The following CNTD1 variants were observed in gnomAD, a reference collection of about 807,000 sequenced individuals.
The protein encoded by CNTD1 is cyclin N-terminal domain-containing protein 1.
CNTD1 carries 17 observed loss-of-function variants against 36.3 expected under a neutral mutation model. That is an observed-to-expected ratio of 0.47 (90% CI 0.32 to 0.70). CNTD1 has a LOEUF of 0.70. Ranked by LOEUF, CNTD1 falls within the 30% of genes least tolerant of loss-of-function variation. The probability of loss-of-function intolerance (pLI) is 0.03; values close to 1 mark genes in which losing one functional copy is unlikely to be tolerated. For missense variants in CNTD1, 338 were observed against 386.1 expected, an observed-to-expected ratio of 0.88 and a Z score of 1.04; for synonymous variants, 128 against 153.3, an observed-to-expected ratio of 0.83 and a Z score of 1.22.
At chr17:42,801,509 AAATATATATATATATATAT>A (rs1215158174) in intron 1 of CNTD1, among the ~76,000 whole-genome samples, 54 of 50,280 alleles carry the variant, frequency 1.1e-3, no homozygotes, top group Admixed American at 1.9e-3. Flanking sequence ...AAAAAAAAAA[AAATATATATATATATATAT>A]ATATATATAT....
intron 1 of CNTD1, among the ~76,000 whole-genome samples, chr17:42,802,226 T>TA (rs950620466): frequency 4.6e-5 from 7 of 151,480 alleles, no homozygotes; most frequent in Admixed American, 1.3e-4. Flanking sequence ...TTTATTTATT[T>TA]AAAAAAAAAT....
chr17:42,799,620 C>T (rs993189852), intron 1 of CNTD1, among the ~76,000 whole-genome samples: 34 of 151,506 alleles, frequency 2.2e-4, no homozygotes, highest in African/African-American at 8.0e-4. Flanking sequence ...GGACTGGTGG[C>T]GCGCACCTCT....
chr17:42,810,554 A>G lies in CNTD1; in HGVS notation c.*1019A>G. 4.7e-6 allele frequency: 2 copies of G among 426,558 alleles called. No individual in the cohort carries two copies. The highest frequency in any genetic ancestry group is 8.0e-6 in the Non-Finnish European group (2 of 251,414). 26.4% of individuals were successfully genotyped at this position (426,558 alleles called of 1,614,324 possible). ...ATGGGGTTAAGAATCAAAACTGACC[A>G]GGGCTGGCAACTATAGATGGCATGT... On this transcript the variant is annotated 3_prime_UTR_variant, in exon 7 of 7. Coordinates refer to ENST00000588408, the MANE Select transcript of CNTD1 (RefSeq NM_173478.3).
In CNTD1 at chr17:42,798,945, C is replaced by A. The variant is rs542803148; in HGVS notation, c.-123C>A. ...AATTGGGTTTTCCTCAGACTTGAGGCGACGACACACTCATTGGAAGGGGAC... is the reference window on the plus strand; with the variant it reads ...AATTGGGTTTTCCTCAGACTTGAGGAGACGACACACTCATTGGAAGGGGAC... On this transcript the variant is annotated 5_prime_UTR_variant, in exon 1 of 7. Coordinates refer to ENST00000588408, the MANE Select transcript of CNTD1 (RefSeq NM_173478.3). The A allele has an allele frequency of 4.1e-6, 6 of 1,467,486 alleles. No homozygotes were observed. In the East Asian group the frequency reaches 9.9e-5, roughly 24 times the overall value. The allele number at this position is 1,467,486 out of a possible 1,614,324, so 90.9% of individuals were successfully genotyped here. A position where few individuals can be genotyped will look rare whatever the true frequency, so the allele number is the denominator to read the frequency against.
In CNTD1 at chr17:42,804,368, T is replaced by C; in HGVS notation, c.389T>C (p.Leu130Pro). 6.2e-7 allele frequency: 1 copy of C among 1,614,126 alleles called. No homozygotes were observed. Among genetic ancestry groups the C allele is most frequent in the Non-Finnish European group, 8.5e-7 (1 of 1,179,998 alleles). Residue 130 changes from leucine to proline, a missense_variant, in exon 3 of 7, where the codon CTG becomes CCG. Physicochemically the swap from Leu to Pro is moderately conservative, Grantham distance 98 (BLOSUM62 -3). Transcript: ENST00000588408. ...FTLRLVSCVQ[L>P]ASKLSFRNKI... The stretch of plus-strand genomic sequence containing the variant: ...CTCCGTCTTGTGTCATGTGTTCAGC[T>C]GGCCAGCAAACTTTCCTTCCGAAAC...
chr17:42,804,355 T>C lies in CNTD1; in HGVS notation c.376T>C (p.Ser126Pro). ...LVNKFTLRLVSCVQLASKLSF... is the reference protein window; with the variant it reads ...LVNKFTLRLVPCVQLASKLSF... ...CAACAAGTTTACTCTCCGTCTTGTG[T>C]CATGTGTTCAGCTGGCCAGCAAACT... The change falls in exon 3 of 7, where the codon TCA becomes CCA. Residue 126 changes from serine (S) to proline (P), a missense_variant. Coordinates refer to ENST00000588408, the MANE Select transcript of CNTD1 (RefSeq NM_173478.3). The C allele has an allele frequency of 6.2e-7, 1 of 1,614,040 alleles. No homozygotes were observed. The highest frequency in any genetic ancestry group is 8.5e-7 in the Non-Finnish European group (1 of 1,180,010).
chr17:42,800,350 G>A lies in CNTD1; in HGVS notation c.169+1114G>A, dbSNP rs182716580. 2.6e-5 allele frequency among the ~76,000 whole-genome samples: 4 copies of A among 152,236 alleles called. No individual in the cohort carries two copies. The East Asian group carries it at 7.7e-4, about 29-fold the overall frequency. On this transcript the variant is annotated intron_variant, in intron 1 of 6. Coordinates refer to ENST00000588408, the MANE Select transcript of CNTD1 (RefSeq NM_173478.3). ...TGGGTTGGTGAAGGGGGAGGAAGGA[G>A]ACAGTGTTTCTACCAAAAAGAGGTA...
chr17:42,799,524 G>A (rs1346079289), intron 1 of CNTD1, among the ~76,000 whole-genome samples: 2 of 151,834 alleles, frequency 1.3e-5, no homozygotes, highest in Admixed American at 6.6e-5. Flanking sequence ...GGCTGAGGTG[G>A]GAGGTTCACC....
chr17:42,810,775 T>C lies in CNTD1; in HGVS notation c.*1240T>C, dbSNP rs2054980774. The C allele has an allele frequency of 1.2e-6, 2 of 1,608,880 alleles. No homozygotes were observed. Among genetic ancestry groups the C allele is most frequent in the Non-Finnish European group, 1.7e-6 (2 of 1,177,780 alleles). On this transcript the variant is annotated 3_prime_UTR_variant, in exon 7 of 7. Coordinates refer to ENST00000588408, the MANE Select transcript of CNTD1 (RefSeq NM_173478.3). ...AGGAAAAAAGTCATTTGTTATAAAATTGTGAGGACACCCAAGCAAGACCCC... is the reference window on the plus strand; with the variant it reads ...AGGAAAAAAGTCATTTGTTATAAAACTGTGAGGACACCCAAGCAAGACCCC...
In CNTD1 at chr17:42,799,752, C is replaced by CAAAAA. The variant is rs780393099; in HGVS notation, c.169+543_169+547dup. ...AGACGACAAGAATGAAACTCCGTCT[C>CAAAAA]AAAAAAAAAAAAAAAAAAAAAAAAA... is the stretch of plus-strand genomic sequence containing the variant. On this transcript the variant is annotated intron_variant, in intron 1 of 6. Transcript: ENST00000588408. Among the ~76,000 whole-genome samples the CAAAAA allele has an allele frequency of 4.7e-3, 50 of 10,592 alleles. 11 individuals carry two copies. The highest frequency in any genetic ancestry group is 0.01 in the African/African-American group (41 of 4,090). The allele number at this position is 10,592 out of a possible 152,430, so 6.9% of individuals were successfully genotyped here.
chr17:42,805,628 G>A lies in CNTD1; in HGVS notation c.418-94G>A, dbSNP rs1005820893. Reference sequence around the variant, plus strand: ...ACCAAGAGACAAGACTGAAGATGAAGGAATAGGCTGGATTATGAAGGGCTT... The same window carrying A: ...ACCAAGAGACAAGACTGAAGATGAAAGAATAGGCTGGATTATGAAGGGCTT... On this transcript the variant is annotated intron_variant, in intron 3 of 6. Transcript: ENST00000588408. The A allele has an allele frequency of 6.5e-6, 7 of 1,079,224 alleles. No homozygotes were observed. In the Admixed American group the frequency reaches 1.8e-4, roughly 27 times the overall value. The allele number at this position is 1,079,224 out of a possible 1,614,324, so 66.9% of individuals were successfully genotyped here. A position where few individuals can be genotyped will look rare whatever the true frequency, so the allele number is the denominator to read the frequency against.
In CNTD1 at chr17:42,803,506, C is replaced by T. The variant is rs2054827974; in HGVS notation, c.170-114C>T. On this transcript the variant is annotated intron_variant, in intron 1 of 6. Transcript: ENST00000588408. The stretch of plus-strand genomic sequence containing the variant: ...TTGGTTGTTTTAGTCTCATCTTTCT[C>T]ACCTCCTGACCCTCTTCCCTTGGCC... The T allele has an allele frequency of 8.1e-6, 6 of 742,292 alleles. No homozygotes were observed. In the East Asian group the frequency reaches 1.5e-4, roughly 19 times the overall value. 46.0% of individuals were successfully genotyped at this position (742,292 alleles called of 1,614,324 possible).
At chr17:42,799,569 T>C (rs2054737394) in intron 1 of CNTD1, among the ~76,000 whole-genome samples, 1 of 150,176 alleles carries the variant, frequency 6.7e-6, no homozygotes, top group Admixed American at 6.6e-5. Context: ...CTGACCAACA[T>C]GGTGAAATCC....
At chr17:42,803,734 C>CA in intron 2 of CNTD1, 39 bp downstream of exon 2, 20 of 1,505,822 alleles carry the variant, frequency 1.3e-5, no homozygotes, top group Non-Finnish European at 1.8e-5. Context: ...CGGCACCTCT[C>CA]AGAGTGGCTA....
At chr17:42,801,771 G>T (rs2054800628) in intron 1 of CNTD1, among the ~76,000 whole-genome samples, 1 of 151,836 alleles carries the variant, frequency 6.6e-6, no homozygotes, top group South Asian at 2.1e-4. Flanking sequence ...AAGGAGAAAA[G>T]AAAAGCAGGT....
rs1567660230 is a variant in CNTD1 at position 42,801,535 on chromosome 17, AT to A, written c.170-2084del. Reference sequence around the variant, plus strand: ...AATATATATATATATATATATATATATATATATATATAATATATGTGTGTGT... The same window carrying A: ...AATATATATATATATATATATATATAATATATATATAATATATGTGTGTGT... On this transcript the variant is annotated intron_variant, in intron 1 of 6. Coordinates refer to ENST00000588408, the MANE Select transcript of CNTD1 (RefSeq NM_173478.3). 7.7e-4 allele frequency among the ~76,000 whole-genome samples: 62 copies of A among 80,204 alleles called. 1 individual carries two copies. The highest frequency in any genetic ancestry group is 2.7e-3 in the African/African-American group (49 of 18,418). The allele number at this position is 80,204 out of a possible 152,430, so 52.6% of individuals were successfully genotyped here.
chr17:42,806,898 T>G, intron 5 of CNTD1, 80 bp downstream of exon 5: 2 of 1,359,632 alleles, frequency 1.5e-6, no homozygotes, highest in East Asian at 4.7e-5. Context: ...GGAATGGAAT[T>G]AGCCTAGCAT....
chr17:42,805,205 C>T (rs909817966), intron 3 of CNTD1, among the ~76,000 whole-genome samples: 3 of 152,154 alleles, frequency 2.0e-5, no homozygotes, highest in Non-Finnish European at 2.9e-5. Context: ...TCAACAAATA[C>T]TTTCTGAGTT....
rs1567666468 is a variant in CNTD1 at position 42,810,746 on chromosome 17, CCT to C, written c.*1212_*1213del. 2.5e-6 allele frequency: 4 copies of C among 1,587,430 alleles called. No homozygotes were observed. The South Asian group carries it at 4.7e-5, about 19-fold the overall frequency. ...TAAAAGCCTTTAAGGCAAACCTCCCCCTAAGGAAAAAAGTCATTTGTTATAAA... is the reference window on the plus strand; with the variant it reads ...TAAAAGCCTTTAAGGCAAACCTCCCCAAGGAAAAAAGTCATTTGTTATAAA... On this transcript the variant is annotated 3_prime_UTR_variant, in exon 7 of 7. Transcript: ENST00000588408.
Sources: allele counts gnomAD v4.1 joint callset (sites outside exome capture counted in the v4.1 genomes callset), GRCh38; gene constraint gnomAD v4.1.1; transcripts MANE v1.5; gene names NCBI Gene and HGNC (gene_info 2026-07-23, HGNC 2026-07-21).